TMEM255B: variants seen among roughly 807,000 people sequenced by gnomAD.
The protein encoded by TMEM255B is transmembrane protein 255B, also known as family with sequence similarity 70, member B.
Under a neutral mutation model 34.5 loss-of-function variants are expected in TMEM255B, and 35 were observed. The observed-to-expected ratio is 1.01, with a 90% CI of 0.77 to 1.34. The LOEUF is 1.34. TMEM255B is among the 40% of genes most tolerant of loss of function. The pLI, the probability that TMEM255B is intolerant of heterozygous loss-of-function variation, is 0.00. For missense variants in TMEM255B, 432 were observed against 433.2 expected (o/e 1.00, Z 0.02); for synonymous variants, 206 against 201.2 (o/e 1.02, Z -0.20).
intron 1 of TMEM255B, 100 bp from the exon 2 acceptor site, chr13:113,766,015 C>T (rs1442392646): frequency 3.3e-6 from 5 of 1,528,840 alleles, no homozygotes; most frequent in African/African-American, 1.4e-5. Context: ...ATAGTGCATC[C>T]CAGGACCCCT....
rs2050459810 is a variant in TMEM255B at position 113,770,474 on chromosome 13, T to C, written c.252+1314T>C. On this transcript the variant is annotated intron_variant, in intron 3 of 8. Transcript: ENST00000375353. This position sits in a 1 kb window ranked among gnomAD's most constrained non-coding sequence, Gnocchi z 4.6. ...CCCAGGAGACTGACCCTTGGGCAGA[T>C]GGAGCCTGACCGTGTGAGGGTGGGA... 1.3e-5 allele frequency among the ~76,000 whole-genome samples: 2 copies of C among 152,166 alleles called. No homozygotes were observed. Among genetic ancestry groups the C allele is most frequent in the African/African-American group, 4.8e-5 (2 of 41,442 alleles).
chr13:113,777,153 C>A (rs1051290879), intron 3 of TMEM255B, among the ~76,000 whole-genome samples: 5 of 152,150 alleles, frequency 3.3e-5, no homozygotes, highest in African/African-American at 1.2e-4. Context: ...ACAGCCAGAT[C>A]TGTTTCTGTG....
intron 7 of TMEM255B, 22 bp from the exon 8 acceptor site, chr13:113,804,863 A>G (rs7323732): frequency 0.68 from 1,071,643 of 1,574,044 alleles, 367,183 homozygotes; most frequent in East Asian, 0.84. Context: ...CACGCCGACC[A>G]CCCGTCTCCT....
intron 3 of TMEM255B, among the ~76,000 whole-genome samples, chr13:113,777,402 T>G (rs920915785): frequency 2.0e-5 from 3 of 152,106 alleles, no homozygotes; most frequent in Non-Finnish European, 4.4e-5. Context: ...TCAAGCCTGG[T>G]GGAGTGCCTG....
At position 113,816,839 on chromosome 13, in the gene TMEM255B, C is replaced by T. The variant is rs1275535413; in HGVS notation, c.*4936C>T. The T allele has an allele frequency of 2.0e-5, 3 of 152,344 alleles. No individual in the cohort carries two copies. In the East Asian group the frequency reaches 5.8e-4, roughly 29 times the overall value. 9.4% of individuals were successfully genotyped at this position (152,344 alleles called of 1,614,324 possible). On this transcript the variant is annotated 3_prime_UTR_variant, in exon 9 of 9. Transcript: ENST00000375353. ...CCATGGAGCGGACCCTCCCCCTCTC[C>T]CCTCGTGGAGTCCTTGACCCTGGGG...
chr13:113,808,810 A>T (rs1371658909), intron 8 of TMEM255B, among the ~76,000 whole-genome samples: 6 of 40,424 alleles, frequency 1.5e-4, no homozygotes, highest in Non-Finnish European at 1.8e-4. Flanking sequence ...GGGTTACTCC[A>T]TGTTTCCTGG....
At position 113,766,689 on chromosome 13, in the gene TMEM255B, T is replaced by C. The variant is rs1209767036; in HGVS notation, c.189+432T>C. The stretch of plus-strand genomic sequence containing the variant: ...AAGGATTTTACCCTGAGGGACCAGG[T>C]CGACCACCATAGCCCATGGAAGGGG... On this transcript the variant is annotated intron_variant, in intron 2 of 8. Transcript: ENST00000375353. Among the ~76,000 whole-genome samples the C allele has an allele frequency of 2.0e-5, 3 of 152,144 alleles. No individual in the cohort carries two copies. In the East Asian group the frequency reaches 5.8e-4, roughly 29 times the overall value.
chr13:113,811,847 T>G lies in TMEM255B; in HGVS notation c.925T>G (p.Cys309Gly), dbSNP rs762526497. ...TGGGCTTCCCGGCCAGGCTCCACCG[T>G]GCTACGCACCCACCTACTTTCCCCC... The part of the protein sequence containing the change: ...GSGLPGQAPP[C>G]YAPTYFPPGE... The change falls in exon 9 of 9, where the codon TGC (cysteine) becomes GGC (glycine). Residue 309 changes from cysteine (C) to glycine (G), a missense_variant. Physicochemically the swap from Cys to Gly is radical, Grantham distance 159. Transcript: ENST00000375353. 15 of 1,613,718 alleles carry G rather than the reference T, an allele frequency of 9.3e-6. No individual in the cohort carries two copies. In the Admixed American group the frequency reaches 1.8e-4, roughly 20 times the overall value.
At chr13:113,789,576 A>AG (rs761865114) in intron 3 of TMEM255B, among the ~76,000 whole-genome samples, 1 of 152,224 alleles carries the variant, frequency 6.6e-6, no homozygotes, top group Non-Finnish European at 1.5e-5. Flanking sequence ...ACTTAGCCAG[A>AG]GGAGCTGGAG....
chr13:113,811,065 G>A (rs919350881), intron 8 of TMEM255B, among the ~76,000 whole-genome samples: 6 of 152,088 alleles, frequency 3.9e-5, no homozygotes, highest in Non-Finnish European at 5.9e-5. Context: ...GGAGGCCAAG[G>A]TTGTGCCAGT....
intron 3 of TMEM255B, among the ~76,000 whole-genome samples, chr13:113,786,427 C>T (rs563446918): frequency 1.9e-4 from 29 of 152,158 alleles, no homozygotes; most frequent in African/African-American, 5.8e-4. Context: ...TCATCACCCT[C>T]GTCACCATCA....
In TMEM255B at chr13:113,770,244, G is replaced by A. The variant is rs1594623739; in HGVS notation, c.252+1084G>A. On this transcript the variant is annotated intron_variant, in intron 3 of 8. Transcript: ENST00000375353. This position sits in a 1 kb window ranked among gnomAD's most constrained non-coding sequence, Gnocchi z 4.6. ...AGCAGGCAAAGACAGAGCCTGTGCA[G>A]GGAAACTCCCCCTTGTAATAACCAT... Among the ~76,000 whole-genome samples, 1 of 152,178 alleles carries A rather than the reference G, an allele frequency of 6.6e-6. No homozygotes were observed. The highest frequency in any genetic ancestry group is 2.4e-5 in the African/African-American group (1 of 41,436).
At chr13:113,772,453 G>C (rs570489491) in intron 3 of TMEM255B, among the ~76,000 whole-genome samples, 1 of 152,150 alleles carries the variant, frequency 6.6e-6, no homozygotes, top group Non-Finnish European at 1.5e-5. Context: ...TTCTAGAAGA[G>C]TTTTGTAGTT....
Position 113,769,298 on chromosome 13 carries a change from C to A in TMEM255B, c.252+138C>A. 1.1e-6 allele frequency: 1 copy of A among 887,958 alleles called. No individual in the cohort carries two copies. The highest frequency in any genetic ancestry group is 1.6e-5 in the African/African-American group (1 of 61,038). The allele number at this position is 887,958 out of a possible 1,614,324, so 55.0% of individuals were successfully genotyped here. On this transcript the variant is annotated intron_variant, in intron 3 of 8. Coordinates refer to ENST00000375353, the MANE Select transcript of TMEM255B (RefSeq NM_182614.4). The surrounding 1 kb of genome is among the most constrained non-coding windows in gnomAD (Gnocchi z 4.2). ...CAGGACCAGCTCTGAGGTTCCCGGG[C>A]TGTGGCCTGCACAGTCCTGGATACA...
intron 4 of TMEM255B, among the ~76,000 whole-genome samples, chr13:113,795,471 C>G (rs1043344889): frequency 4.8e-5 from 7 of 145,794 alleles, no homozygotes; most frequent in African/African-American, 1.8e-4. Flanking sequence ...ACAGCACACA[C>G]CACAACAGAG....
chr13:113,809,113 C>T (rs113535755), intron 8 of TMEM255B, among the ~76,000 whole-genome samples: 8,187 of 55,220 alleles, frequency 0.15, 390 homozygotes, highest in Admixed American at 0.26. Flanking sequence ...TTCCCGGGGG[C>T]TTAACTCTGT....
chr13:113,796,483 CCA>C (rs1202349141), intron 4 of TMEM255B, among the ~76,000 whole-genome samples: 1 of 148,428 alleles, frequency 6.7e-6, no homozygotes, highest in East Asian at 2.0e-4. Context: ...AGAGCACACA[CCA>C]CACACACTAC....
chr13:113,767,245 T>C (rs545488480), intron 2 of TMEM255B, among the ~76,000 whole-genome samples: 1 of 150,752 alleles, frequency 6.6e-6, no homozygotes, highest in South Asian at 2.1e-4. Flanking sequence ...TGTTTATATC[T>C]TAGGGTGTGC....
chr13:113,795,548 ACACAGCACACAC>A (rs2050908988), intron 4 of TMEM255B, among the ~76,000 whole-genome samples: 1 of 144,822 alleles, frequency 6.9e-6, no homozygotes, highest in Non-Finnish European at 1.5e-5. Flanking sequence ...CACACACACA[ACACAGCACACAC>A]CACACAACAC....
Sources: gnomAD v4.1 joint callset for allele counts (sites outside exome capture counted in the v4.1 genomes callset) on GRCh38, gnomAD v4.1.1 for gene constraint, Gnocchi (gnomAD v3.1) non-coding constraint, MANE v1.5 for transcripts, NCBI Gene and HGNC (gene_info 2026-07-23, HGNC 2026-07-21) for gene names.